SCFD2: variants seen among roughly 807,000 people sequenced by gnomAD.
SCFD2 encodes sec1 family domain containing 2.
SCFD2 carries 54 observed loss-of-function variants against 58.9 expected under a neutral mutation model. The observed-to-expected ratio is 0.92, with a 90% CI of 0.74 to 1.15. The LOEUF is 1.15. SCFD2 is among the 50% of genes most tolerant of loss of function. SCFD2 has a pLI of 0.00. For synonymous variants in SCFD2, 321 were observed against 335.9 expected, an observed-to-expected ratio of 0.96 and a Z score of 0.49; for missense variants, 805 against 836.6, an observed-to-expected ratio of 0.96 and a Z score of 0.47.
chr4:53,105,488 G>A (rs1724966196), intron 5 of SCFD2, among the ~76,000 whole-genome samples: 1 of 152,166 alleles, frequency 6.6e-6, no homozygotes, highest in Non-Finnish European at 1.5e-5. Context: ...TGGGACCCTC[G>A]ACCTTGGTCG....
At chr4:53,360,834 T>C (rs1323351660) in intron 1 of SCFD2, among the ~76,000 whole-genome samples, 1 of 152,240 alleles carries the variant, frequency 6.6e-6, no homozygotes, top group African/African-American at 2.4e-5. Context: ...TATCATCATA[T>C]CTTGTGTTAG....
intron 5 of SCFD2, among the ~76,000 whole-genome samples, chr4:53,123,121 A>G (rs911992801): frequency 2.6e-5 from 4 of 152,174 alleles, no homozygotes; most frequent in African/African-American, 9.7e-5. Context: ...CACATTTTCA[A>G]TGAATAGCAT....
intron 4 of SCFD2, among the ~76,000 whole-genome samples, chr4:53,250,603 C>T (rs1053430778): frequency 5.9e-5 from 9 of 152,192 alleles, no homozygotes; most frequent in Non-Finnish European, 7.3e-5. Context: ...CTCAAAACTG[C>T]TCAACTACAT....
chr4:52,970,156 G>A (rs1721061618), intron 5 of SCFD2, among the ~76,000 whole-genome samples: 1 of 152,206 alleles, frequency 6.6e-6, no homozygotes, highest in South Asian at 2.1e-4. Context: ...ACTGGGGAGT[G>A]TTGGAAAGTG....
intron 3 of SCFD2, among the ~76,000 whole-genome samples, chr4:53,298,159 C>T (rs550313779): frequency 3.9e-5 from 6 of 152,208 alleles, no homozygotes; most frequent in East Asian, 1.9e-4. Context: ...TCACTTCACC[C>T]GGGAAGCGCA....
chr4:52,969,374 C>T (rs976163683), intron 5 of SCFD2, among the ~76,000 whole-genome samples: 5 of 152,184 alleles, frequency 3.3e-5, no homozygotes, highest in Admixed American at 1.3e-4. Context: ...AATCATTGCT[C>T]TTGGCCCAAA....
At chr4:53,186,654 T>A (rs1727746094) in intron 4 of SCFD2, among the ~76,000 whole-genome samples, 1 of 151,968 alleles carries the variant, frequency 6.6e-6, no homozygotes, top group Non-Finnish European at 1.5e-5. Flanking sequence ...TAGGTAAACA[T>A]TAAACCATAA....
At chr4:53,167,424 A>T (rs1346030950) in intron 4 of SCFD2, among the ~76,000 whole-genome samples, 1 of 152,240 alleles carries the variant, frequency 6.6e-6, no homozygotes, top group African/African-American at 2.4e-5. Context: ...CTGACCCAAT[A>T]GAATTTGAAG....
At chr4:53,305,843 C>T (rs1291446165) in intron 3 of SCFD2, among the ~76,000 whole-genome samples, 3 of 152,262 alleles carry the variant, frequency 2.0e-5, no homozygotes, top group East Asian at 3.9e-4. Flanking sequence ...AGTTTGAGAA[C>T]TTATGTTCTA....
At chr4:53,085,888 C>A (rs549212939) in intron 5 of SCFD2, among the ~76,000 whole-genome samples, 49 of 152,186 alleles carry the variant, frequency 3.2e-4, no homozygotes, top group African/African-American at 1.2e-3. Flanking sequence ...AAAATCAAAT[C>A]AAAATGGATT....
intron 5 of SCFD2, among the ~76,000 whole-genome samples, chr4:53,088,366 A>C (rs1374181382): frequency 2.0e-5 from 3 of 152,208 alleles, no homozygotes; most frequent in Non-Finnish European, 2.9e-5. Flanking sequence ...TTGGAGCCTA[A>C]GCCCTGCCTG....
chr4:52,918,621 C>A (rs1376541321), intron 6 of SCFD2, among the ~76,000 whole-genome samples: 3 of 152,112 alleles, frequency 2.0e-5, no homozygotes, highest in Admixed American at 6.5e-5. Flanking sequence ...ACCCATCCAC[C>A]ATAAGGTAAC....
At chr4:52,937,889 T>C (rs1161635514) in intron 5 of SCFD2, among the ~76,000 whole-genome samples, 1 of 152,190 alleles carries the variant, frequency 6.6e-6, no homozygotes, top group Non-Finnish European at 1.5e-5. Context: ...AAGGTAGCTT[T>C]AAGAAAAGGA....
At chr4:53,085,707 A>G (rs542781095) in intron 5 of SCFD2, among the ~76,000 whole-genome samples, 2 of 152,316 alleles carry the variant, frequency 1.3e-5, no homozygotes, top group Admixed American at 1.3e-4. Context: ...ATGAAACATA[A>G]TAGAGAATCC....
intron 2 of SCFD2, among the ~76,000 whole-genome samples, chr4:53,340,320 G>C (rs894578500): frequency 6.6e-6 from 1 of 152,172 alleles, no homozygotes; most frequent in Non-Finnish European, 1.5e-5. Context: ...AACATCTCGC[G>C]ACTGGCTTGG....
chr4:52,873,900 T>G lies in SCFD2; in HGVS notation c.*69A>C. 1 of 1,111,740 alleles carries G rather than the reference T, an allele frequency of 9.0e-7. No individual in the cohort carries two copies. The highest frequency in any genetic ancestry group is 1.4e-6 in the Non-Finnish European group (1 of 725,796). 68.9% of individuals were successfully genotyped at this position (1,111,740 alleles called of 1,614,324 possible). ...CAGGGACGCTGGTTGTGGAGGAGTATTTGGAGTGGTGGCAGAAAATTGCAT... is the reference window on the plus strand; with the variant it reads ...CAGGGACGCTGGTTGTGGAGGAGTAGTTGGAGTGGTGGCAGAAAATTGCAT... On this transcript the variant is annotated 3_prime_UTR_variant, in exon 9 of 9. Transcript: ENST00000401642.
At chr4:53,342,859 C>T (rs1294008776) in intron 2 of SCFD2, among the ~76,000 whole-genome samples, 1 of 152,204 alleles carries the variant, frequency 6.6e-6, no homozygotes, top group Non-Finnish European at 1.5e-5. Flanking sequence ...TGAATGAATA[C>T]TGGGTACATA....
intron 8 of SCFD2, among the ~76,000 whole-genome samples, chr4:52,878,294 T>C (rs1718528380): frequency 2.0e-5 from 3 of 152,160 alleles, no homozygotes; most frequent in Admixed American, 2.0e-4. Flanking sequence ...GTAGCCACGG[T>C]CACTGGGAAG....
intron 4 of SCFD2, among the ~76,000 whole-genome samples, chr4:53,248,412 G>A (rs1359834079): frequency 2.0e-5 from 3 of 152,186 alleles, no homozygotes; most frequent in Non-Finnish European, 4.4e-5. Flanking sequence ...GAACTGGGTG[G>A]AGCCCACCAC....
Sources: gnomAD v4.1 joint callset for allele counts (sites outside exome capture counted in the v4.1 genomes callset) on GRCh38, gnomAD v4.1.1 for gene constraint, MANE v1.5 for transcripts, NCBI Gene and HGNC (gene_info 2026-07-23, HGNC 2026-07-21) for gene names.